Variants in NR2C1 observed in about 807,000 individuals in gnomAD.
NR2C1 encodes TR2 nuclear hormone receptor.
A neutral mutation model predicts 74.8 loss-of-function variants in NR2C1; 33 were observed. The observed-to-expected ratio is 0.44, with a 90% CI of 0.33 to 0.59. The LOEUF (loss-of-function observed/expected upper bound fraction) is 0.59. NR2C1 is among the 20% of genes least tolerant of loss of function. The pLI, the probability that NR2C1 is intolerant of heterozygous loss-of-function variation, is 0.02. For synonymous variants in NR2C1, 225 were observed against 240.6 expected (o/e 0.94, Z 0.60); for missense variants, 568 against 715.6 (o/e 0.79, Z 2.35).
intron 11 of NR2C1, chr12:95,030,681 A>G: frequency 6.2e-7 from 1 of 1,604,850 alleles, no homozygotes; most frequent in Non-Finnish European, 8.5e-7. Context: ...TAAAACAATA[A>G]GAAATAGAAT....
intron 1 of NR2C1, among the ~76,000 whole-genome samples, chr12:95,070,395 G>A (rs1876422165): frequency 6.6e-6 from 1 of 152,112 alleles, no homozygotes; most frequent in East Asian, 1.9e-4. Context: ...GCCTCACAAA[G>A]TGTGGGGATT....
chr12:95,069,923 T>A (rs1448561666), intron 1 of NR2C1, among the ~76,000 whole-genome samples: 1 of 152,102 alleles, frequency 6.6e-6, no homozygotes, highest in Non-Finnish European at 1.5e-5. Context: ...TCTTCCAGGA[T>A]CTATGCCTGA....
At chr12:95,068,486 G>T (rs929364265) in intron 1 of NR2C1, among the ~76,000 whole-genome samples, 2 of 151,870 alleles carry the variant, frequency 1.3e-5, no homozygotes, top group Non-Finnish European at 2.9e-5. Context: ...TTAAAATGCT[G>T]CCTAAAGACA....
chr12:95,062,436 C>A (rs2136190024), intron 3 of NR2C1, 72 bp downstream of exon 3: 2 of 992,642 alleles, frequency 2.0e-6, no homozygotes, highest in Middle Eastern at 5.0e-4. Flanking sequence ...CTAAAGTCTT[C>A]ATGGCAGGGC....
chr12:95,058,701 G>A (rs1007159227), intron 4 of NR2C1, among the ~76,000 whole-genome samples: 3 of 152,072 alleles, frequency 2.0e-5, no homozygotes, highest in South Asian at 2.1e-4. Context: ...GTAATGGTGC[G>A]ATCACAGTTC....
At chr12:95,062,342 G>C (rs1874903989) in intron 3 of NR2C1, among the ~76,000 whole-genome samples, 166 bp downstream of exon 3, 1 of 152,184 alleles carries the variant, frequency 6.6e-6, no homozygotes, top group Non-Finnish European at 1.5e-5. Flanking sequence ...GGAAAGTACA[G>C]TGGCCCATAG....
intron 4 of NR2C1, among the ~76,000 whole-genome samples, chr12:95,059,515 C>T (rs964467264): frequency 8.6e-5 from 13 of 151,930 alleles, no homozygotes; most frequent in African/African-American, 3.1e-4. Flanking sequence ...AGTTTGAGAC[C>T]AGCCTGGCCA....
At chr12:95,060,570 G>A (rs1011488008) in intron 3 of NR2C1, among the ~76,000 whole-genome samples, 3 of 152,124 alleles carry the variant, frequency 2.0e-5, no homozygotes, top group South Asian at 2.1e-4. Flanking sequence ...CAGGAGAATC[G>A]CTTGAACCCA....
In NR2C1 at chr12:95,049,244, A is replaced by G. The variant is rs752434459; in HGVS notation, c.966-11T>C. 5.6e-6 allele frequency: 9 copies of G among 1,609,228 alleles called. No individual in the cohort carries two copies. Among genetic ancestry groups the G allele is most frequent in the Non-Finnish European group, 6.8e-6 (8 of 1,178,032 alleles). ...AGAGTGTCAAATGCCCTGTATGAAG[A>G]CATCAGAAGCTATGAGCTTGACCAA... On this transcript the variant is annotated splice_polypyrimidine_tract_variant and intron_variant, in intron 8 of 13. Coordinates refer to ENST00000333003, the MANE Select transcript of NR2C1 (RefSeq NM_003297.4).
intron 10 of NR2C1, 64 bp from the exon 11 acceptor site, chr12:95,031,552 AGC>A: frequency 3.9e-6 from 5 of 1,281,452 alleles, no homozygotes; most frequent in Non-Finnish European, 5.3e-6. Flanking sequence ...TAAACCTTAC[AGC>A]TAGTCCAAAT....
At chr12:95,065,462 T>C (rs968866506) in intron 2 of NR2C1, among the ~76,000 whole-genome samples, 2 of 152,124 alleles carry the variant, frequency 1.3e-5, no homozygotes, top group African/African-American at 4.8e-5. Context: ...AATGTTAACA[T>C]AATTTTTTTA....
chr12:95,025,623 A>C lies in NR2C1; in HGVS notation c.1532-368T>G, dbSNP rs181056994. On this transcript the variant is annotated intron_variant, in intron 12 of 13. Coordinates refer to ENST00000333003, the MANE Select transcript of NR2C1 (RefSeq NM_003297.4). The stretch of plus-strand genomic sequence containing the variant: ...CTGTGAGCCGAGACAGCGCCATTGC[A>C]CTCCAGCCTGGGCAACAAGAGTGAA... Among the ~76,000 whole-genome samples, 11 of 141,068 alleles carry C rather than the reference A, an allele frequency of 7.8e-5. No individual in the cohort carries two copies. In the East Asian group the frequency reaches 1.2e-3, roughly 16 times the overall value. 92.5% of individuals were successfully genotyped at this position (141,068 alleles called of 152,430 possible).
chr12:95,040,649 A>AT, intron 9 of NR2C1, 52 bp from the exon 10 acceptor site: 1 of 1,524,084 alleles, frequency 6.6e-7, no homozygotes, highest in Non-Finnish European at 8.9e-7. Context: ...AAAGTTCTAA[A>AT]TTATCATTTC....
Position 95,051,804 on chromosome 12 carries a change from A to C in NR2C1, c.923T>G (p.Leu308Trp). 6.2e-7 allele frequency: 1 copy of C among 1,607,884 alleles called. No homozygotes were observed. The highest frequency in any genetic ancestry group is 1.1e-5 in the South Asian group (1 of 89,856). The change falls in exon 8 of 14, where the codon TTG (leucine) becomes TGG (tryptophan). Residue 308 changes from leucine to tryptophan, a missense_variant. Physicochemically the swap from Leu to Trp is moderately conservative, Grantham distance 61. This residue lies in a region of NR2C1 where 239 missense variants were observed against 232.3 expected (regional missense o/e 1.03). Transcript: ENST00000333003. Reference sequence around the variant, plus strand: ...GGTCTGCATTTCTTGAAATTCACACAAAGAGGTATCATCATTGCTTAAGCT... The same window carrying C: ...GGTCTGCATTTCTTGAAATTCACACCAAGAGGTATCATCATTGCTTAAGCT... ...IESLSNDDTS[L>W]CEFQEMQTNG...
intron 2 of NR2C1, 125 bp from the exon 3 acceptor site, chr12:95,062,863 G>C (rs140537923): frequency 4.7e-4 from 324 of 684,920 alleles, no homozygotes; most frequent in Non-Finnish European, 6.9e-4. Flanking sequence ...TTAAACTACC[G>C]ATTCTATTGC....
intron 7 of NR2C1, 132 bp downstream of exon 7, chr12:95,057,421 T>C: frequency 1.5e-6 from 1 of 650,142 alleles, no homozygotes; most frequent in Non-Finnish European, 2.5e-6. Flanking sequence ...TTCTAATTTA[T>C]ATTAAAAAAA....
chr12:95,063,477 A>G (rs1038936040), intron 2 of NR2C1, among the ~76,000 whole-genome samples: 4 of 152,228 alleles, frequency 2.6e-5, no homozygotes, highest in Non-Finnish European at 2.9e-5. Flanking sequence ...ACAAAAGTCT[A>G]GATTTCCTAA....
intron 11 of NR2C1, chr12:95,030,297 T>G: frequency 2.6e-6 from 1 of 385,630 alleles, no homozygotes; most frequent in Non-Finnish European, 4.1e-6. Context: ...TAAGCTTATA[T>G]TGGTTGGGAA....
At position 95,065,439 on chromosome 12, in the gene NR2C1, TAAC is replaced by T. The variant is rs1035688664; in HGVS notation, c.54+1889_54+1891del. 9.2e-5 allele frequency among the ~76,000 whole-genome samples: 14 copies of T among 152,238 alleles called. 1 individual carries two copies. In the Middle Eastern group the frequency reaches 0.017, roughly 185 times the overall value. Reference sequence around the variant, plus strand: ...AAAAATAGTTGATTCATTTAAAAATTAACAACCCATTAAATGTTAACATAATTT... The same window carrying T: ...AAAAATAGTTGATTCATTTAAAAATTAACCCATTAAATGTTAACATAATTT... On this transcript the variant is annotated intron_variant, in intron 2 of 13. Coordinates refer to ENST00000333003, the MANE Select transcript of NR2C1 (RefSeq NM_003297.4).
Sources: allele counts gnomAD v4.1 joint callset (sites outside exome capture counted in the v4.1 genomes callset), GRCh38; gene constraint gnomAD v4.1.1; regional missense constraint gnomAD v4.1.1; transcripts MANE v1.5; gene names NCBI Gene and HGNC (gene_info 2026-07-23, HGNC 2026-07-21).